Variants in SDK1 observed in about 807,000 individuals in gnomAD.
The protein encoded by SDK1 is protein sidekick-1.
In SDK1, 157 loss-of-function variants were observed where a neutral mutation model predicts 245.5. The observed-to-expected ratio is 0.64, with a 90% CI of 0.56 to 0.73. The LOEUF is 0.73. Among genes scored for constraint, SDK1 ranks in the 30% least tolerant of loss-of-function variants. The pLI, the probability that SDK1 is intolerant of heterozygous loss-of-function variation, is 0.00. For missense variants in SDK1, 3,583 were observed against 3,002.3 expected (o/e 1.19, Z -4.52); for synonymous variants, 1,647 against 1,278.5 (o/e 1.29, Z -6.15).
chr7:3,868,848 T>A (rs1288019322), intron 5 of SDK1, among the ~76,000 whole-genome samples: 2 of 152,118 alleles, frequency 1.3e-5, no homozygotes, highest in Admixed American at 1.3e-4. Context: ...GCCTTCAGAG[T>A]GAGAAACATT....
intron 22 of SDK1, among the ~76,000 whole-genome samples, chr7:4,099,398 A>G (rs1584125831): frequency 7.1e-6 from 1 of 140,552 alleles, no homozygotes; most frequent in South Asian, 2.5e-4. Context: ...GGACTGTGGC[A>G]GGAGCCTCTG....
chr7:3,685,959 A>G (rs1033424814), intron 4 of SDK1, among the ~76,000 whole-genome samples: 8 of 152,216 alleles, frequency 5.3e-5, no homozygotes, highest in Non-Finnish European at 1.0e-4. Flanking sequence ...CTAGATTTAT[A>G]GAATGAATGA....
intron 28 of SDK1, among the ~76,000 whole-genome samples, chr7:4,137,032 G>A (rs758634334): frequency 7.2e-5 from 11 of 152,242 alleles, no homozygotes; most frequent in Non-Finnish European, 1.5e-4. Flanking sequence ...TGCCCCAGAT[G>A]GTCGTGCTTT....
At chr7:3,833,987 G>A (rs6978964) in intron 5 of SDK1, among the ~76,000 whole-genome samples, 5 of 151,992 alleles carry the variant, frequency 3.3e-5, no homozygotes, top group Non-Finnish European at 7.4e-5. Flanking sequence ...TGTTACTACA[G>A]ATTTTGAATA....
At chr7:4,120,596 T>C (rs763998288) in intron 25 of SDK1, among the ~76,000 whole-genome samples, 1 of 148,728 alleles carries the variant, frequency 6.7e-6, no homozygotes, top group Non-Finnish European at 1.5e-5. Flanking sequence ...AAAATAGATA[T>C]ATTGTTTTGA....
intron 1 of SDK1, among the ~76,000 whole-genome samples, chr7:3,388,036 C>A (rs1781653365): frequency 6.6e-6 from 1 of 152,110 alleles, no homozygotes; most frequent in Non-Finnish European, 1.5e-5. Flanking sequence ...TCTGCATTGT[C>A]CTAATTTTAT....
In SDK1 at chr7:3,623,550, A is replaced by C. The variant is rs946580950; in HGVS notation, c.458+4311A>C. Among the ~76,000 whole-genome samples the C allele has an allele frequency of 2.0e-5, 3 of 152,160 alleles. No individual in the cohort carries two copies. In the East Asian group the frequency reaches 5.8e-4, roughly 29 times the overall value. On this transcript the variant is annotated intron_variant, in intron 2 of 44. Coordinates refer to ENST00000404826, the MANE Select transcript of SDK1 (RefSeq NM_152744.4). ...GCCGCTGCACCCGGCCTCAAATGTT[A>C]CATTTCATATTGATGCTCATGTCTA...
intron 28 of SDK1, among the ~76,000 whole-genome samples, chr7:4,140,954 A>G (rs1187010070): frequency 6.6e-6 from 1 of 152,212 alleles, no homozygotes; most frequent in African/African-American, 2.4e-5. Context: ...ATTTTTAAAA[A>G]AATGATTAAT....
chr7:3,780,086 C>G (rs1780685806), intron 4 of SDK1, among the ~76,000 whole-genome samples: 1 of 152,116 alleles, frequency 6.6e-6, no homozygotes, highest in Admixed American at 6.5e-5. Context: ...TTGAAAATGT[C>G]AACACTTGGA....
intron 5 of SDK1, among the ~76,000 whole-genome samples, chr7:3,950,085 A>T (rs759788468): frequency 6.6e-6 from 1 of 152,262 alleles, no homozygotes; most frequent in Non-Finnish European, 1.5e-5. Flanking sequence ...GCCAGCAAGC[A>T]TTTTGGAAAA....
chr7:3,999,571 G>A (rs557862571), intron 14 of SDK1, among the ~76,000 whole-genome samples: 11 of 152,162 alleles, frequency 7.2e-5, no homozygotes, highest in Non-Finnish European at 1.0e-4. Context: ...GCCTCGGGGC[G>A]GGGGAGGCTG....
At chr7:4,225,398 CTT>C (rs1250249491) in intron 40 of SDK1, among the ~76,000 whole-genome samples, 1 of 152,216 alleles carries the variant, frequency 6.6e-6, no homozygotes, top group Non-Finnish European at 1.5e-5. Flanking sequence ...TTTGAGCACT[CTT>C]GTGTGGGAGA....
rs80057258 is a variant in SDK1 at position 3,935,202 on chromosome 7, A to G, written c.848-15721A>G. 6.8e-3 allele frequency among the ~76,000 whole-genome samples: 1,040 copies of G among 152,290 alleles called. 8 individuals are homozygous for G. Among genetic ancestry groups the G allele is most frequent in the Non-Finnish European group, 0.012 (836 of 68,024 alleles). ...AGGGCACAGGCAGCACCTGCCACAAAGCCATATTAACAGAGTGTAGCAGGT... is the reference window on the plus strand; with the variant it reads ...AGGGCACAGGCAGCACCTGCCACAAGGCCATATTAACAGAGTGTAGCAGGT... On this transcript the variant is annotated intron_variant, in intron 5 of 44. Transcript: ENST00000404826.
In SDK1 at chr7:3,301,775, G is replaced by A. The variant is rs1197912202; in HGVS notation, c.189G>A (p.Ala63=). ...AAPETSGGDT[A]GAGRCGGRRA... ...CCGAGACCTCCGGCGGGGACACGGC[G>A]GGCGCGGGGCGGTGCGGCGGGCGGC... Residue 63 remains alanine (A), a synonymous_variant, in exon 1 of 45, where the codon GCG becomes GCA. Coordinates refer to ENST00000404826, the MANE Select transcript of SDK1 (RefSeq NM_152744.4). 11 of 995,334 alleles carry A rather than the reference G, an allele frequency of 1.1e-5. No individual in the cohort carries two copies. The Admixed American group carries it at 3.1e-4, about 28-fold the overall frequency. The allele number at this position is 995,334 out of a possible 1,614,324, so 61.7% of individuals were successfully genotyped here.
intron 4 of SDK1, among the ~76,000 whole-genome samples, chr7:3,744,952 C>T (rs774429777): frequency 1.1e-4 from 16 of 152,056 alleles, no homozygotes; most frequent in Admixed American, 2.6e-4. Context: ...TCACGAAGGC[C>T]AAATCTCCTG....
At chr7:3,343,849 T>TA (rs1780419829) in intron 1 of SDK1, among the ~76,000 whole-genome samples, 1 of 152,054 alleles carries the variant, frequency 6.6e-6, no homozygotes, top group Non-Finnish European at 1.5e-5. Context: ...GGCAAAAAGA[T>TA]ACCATACAAA....
chr7:3,695,406 A>G (rs969880608), intron 4 of SDK1, among the ~76,000 whole-genome samples: 9 of 152,338 alleles, frequency 5.9e-5, no homozygotes, highest in Non-Finnish European at 8.8e-5. Flanking sequence ...CCTGTTTTCT[A>G]TAGGCACCCA....
intron 4 of SDK1, among the ~76,000 whole-genome samples, chr7:3,725,659 TAATC>T (rs1554254756): frequency 6.6e-6 from 1 of 151,904 alleles, no homozygotes; most frequent in Non-Finnish European, 1.5e-5. Flanking sequence ...GCTGGAAAAA[TAATC>T]AAAGCATTCT....
chr7:3,328,649 A>G (rs1779992747), intron 1 of SDK1, among the ~76,000 whole-genome samples: 1 of 152,184 alleles, frequency 6.6e-6, no homozygotes, highest in African/African-American at 2.4e-5. Context: ...AAATCTTTTT[A>G]TGTTAGTATA....
Sources: gnomAD v4.1 joint callset for allele counts (sites outside exome capture counted in the v4.1 genomes callset) on GRCh38, gnomAD v4.1.1 for gene constraint, MANE v1.5 for transcripts, NCBI Gene and HGNC (gene_info 2026-07-23, HGNC 2026-07-21) for gene names.